The following PGBD1 variants were observed in gnomAD, a reference collection of about 807,000 sequenced individuals.
PGBD1 encodes piggyBac transposable element-derived protein 1.
A neutral mutation model predicts 34.7 loss-of-function variants in PGBD1; 25 were observed. That is an observed-to-expected ratio of 0.72 (90% CI 0.52 to 1.00). The LOEUF is 1.00. PGBD1 is among the 50% of genes least tolerant of loss of function. The pLI, the probability that PGBD1 is intolerant of heterozygous loss-of-function variation, is 0.00. For synonymous variants in PGBD1, 292 were observed against 335.7 expected, an observed-to-expected ratio of 0.87 and a Z score of 1.42; for missense variants, 830 against 959.4, an observed-to-expected ratio of 0.87 and a Z score of 1.78.
chr6:28,294,644 A>G (rs1044941630), intron 4 of PGBD1, among the ~76,000 whole-genome samples: 2 of 152,236 alleles, frequency 1.3e-5, no homozygotes, highest in African/African-American at 4.8e-5. Context: ...TACTCTAGAA[A>G]TGGAACAACA....
Position 28,302,458 on chromosome 6 carries a change from T to A in PGBD1, c.*174T>A. On this transcript the variant is annotated 3_prime_UTR_variant, in exon 7 of 7. Coordinates refer to ENST00000682144, the MANE Select transcript of PGBD1 (RefSeq NM_032507.4). The stretch of plus-strand genomic sequence containing the variant: ...CAAAGACTATTGTAACAAGTAATGT[T>A]AAAAATTGTCTGTGAGAATGTTGAA... 1.4e-6 allele frequency: 1 copy of A among 694,930 alleles called. No individual in the cohort carries two copies. 43.0% of individuals were successfully genotyped at this position (694,930 alleles called of 1,614,324 possible).
Position 28,284,107 on chromosome 6 carries a change from G to C in PGBD1, c.294G>C (p.Lys98Asn). The C allele has an allele frequency of 6.2e-7, 1 of 1,614,150 alleles. No individual in the cohort carries two copies. Residue 98 changes from lysine (K) to asparagine (N), a missense_variant, in exon 2 of 7, where the codon AAG (lysine) becomes AAC (asparagine). Around this residue, in one of 3 missense-constraint regions of PGBD1, gnomAD observed 457 missense variants for 515.4 expected, o/e 0.89. Coordinates refer to ENST00000682144, the MANE Select transcript of PGBD1 (RefSeq NM_032507.4). The stretch of plus-strand genomic sequence containing the variant: ...AGCAGTTCCTGACCATCCTGCCCAA[G>C]GAGCTCCAGCCCTGTGTGAAGACAT... ...VLEQFLTILPKELQPCVKTYP... is the reference protein window; with the variant it reads ...VLEQFLTILPNELQPCVKTYP...
chr6:28,284,338 A>C (rs367649973), intron 2 of PGBD1, 129 bp downstream of exon 2: 13 of 1,093,184 alleles, frequency 1.2e-5, no homozygotes, highest in Non-Finnish European at 1.3e-5. Flanking sequence ...ACTCCCGTAA[A>C]ACTCTTCATC....
intron 4 of PGBD1, 36 bp downstream of exon 4, chr6:28,287,204 A>G: frequency 6.6e-7 from 1 of 1,520,004 alleles, no homozygotes; most frequent in Admixed American, 1.7e-5. Flanking sequence ...GAATATCAGT[A>G]GTGGTCTTTC....
intron 5 of PGBD1, 61 bp from the exon 6 acceptor site, chr6:28,297,834 T>TAAAAAA: frequency 3.2e-6 from 1 of 313,116 alleles, no homozygotes. Context: ...TTTTTTTTTT[T>TAAAAAA]TTTTTTTTTT....
chr6:28,288,962 T>C (rs1762368735), intron 4 of PGBD1, among the ~76,000 whole-genome samples: 1 of 151,984 alleles, frequency 6.6e-6, no homozygotes, highest in South Asian at 2.1e-4. Flanking sequence ...CACTCCAGCC[T>C]GGGCAACAAG....
chr6:28,287,159 C>G lies in PGBD1; in HGVS notation c.633C>G (p.Val211=). 1 of 1,612,432 alleles carries G rather than the reference C, an allele frequency of 6.2e-7. No individual in the cohort carries two copies. The highest frequency in any genetic ancestry group is 8.5e-7 in the Non-Finnish European group (1 of 1,178,500). The part of the protein sequence containing the change: ...DKAVVPVFNP[V]RSQTLVKTEE... The stretch of plus-strand genomic sequence containing the variant: ...CTGTAGTGCCTGTGTTTAACCCAGT[C>G]AGGTCCCAGGTAAGTAGGATGCCCA... The change falls in exon 4 of 7, where the codon GTC becomes GTG. Residue 211 remains valine, a synonymous_variant. Coordinates refer to ENST00000682144, the MANE Select transcript of PGBD1 (RefSeq NM_032507.4).
intron 3 of PGBD1, among the ~76,000 whole-genome samples, chr6:28,286,753 C>G (rs1385196833): frequency 6.6e-6 from 1 of 152,002 alleles, no homozygotes; most frequent in Non-Finnish European, 1.5e-5. Context: ...CTCCTTGATC[C>G]TTCCTTTATC....
rs140909568 is a variant in PGBD1, at chr6:28,296,817, C to T, written c.644C>T (p.Thr215Ile). 6.2e-7 allele frequency: 1 copy of T among 1,613,720 alleles called. No individual in the cohort carries two copies. Among genetic ancestry groups the T allele is most frequent in the East Asian group, 2.2e-5 (1 of 44,868 alleles). Reference sequence around the variant, plus strand: ...TATTTTCTTTTTTTGTCTTTTTAGACATTGGTGAAGACTGAGGAAGAAACA... The same window carrying T: ...TATTTTCTTTTTTTGTCTTTTTAGATATTGGTGAAGACTGAGGAAGAAACA... The part of the protein sequence containing the change: ...VPVFNPVRSQ[T>I]LVKTEEETAQ... Residue 215 changes from threonine (T) to isoleucine (I), a missense_variant and splice_region_variant, in exon 5 of 7, where the codon ACA becomes ATA. Transcript: ENST00000682144.
chr6:28,286,664 C>T lies in PGBD1; in HGVS notation c.554-416C>T, dbSNP rs368647358. On this transcript the variant is annotated intron_variant, in intron 3 of 6. Coordinates refer to ENST00000682144, the MANE Select transcript of PGBD1 (RefSeq NM_032507.4). ...TTTATTTTCCTGTCTCTCTCTCCAT[C>T]TTCCTTTCTTCTGCTTTCCTGTTTC... is the stretch of plus-strand genomic sequence containing the variant. 2.0e-4 allele frequency among the ~76,000 whole-genome samples: 31 copies of T among 152,182 alleles called. No homozygotes were observed. The South Asian group carries it at 2.1e-3, about 10-fold the overall frequency.
At position 28,284,223 on chromosome 6, in the gene PGBD1, G is replaced by A; in HGVS notation, c.396+14G>A. On this transcript the variant is annotated intron_variant, in intron 2 of 6. Coordinates refer to ENST00000682144, the MANE Select transcript of PGBD1 (RefSeq NM_032507.4). ...ACAGGACAACAGGTGGGAAGAGAAT[G>A]TGTGTGGTGATGTGGGAGAAGAAAA... is the stretch of plus-strand genomic sequence containing the variant. 6.6e-7 allele frequency: 1 copy of A among 1,507,726 alleles called. No individual in the cohort carries two copies. The highest frequency in any genetic ancestry group is 8.9e-7 in the Non-Finnish European group (1 of 1,126,234). 93.4% of individuals were successfully genotyped at this position (1,507,726 alleles called of 1,614,324 possible). A position where few individuals can be genotyped will look rare whatever the true frequency, so the allele number is the denominator to read the frequency against.
intron 4 of PGBD1, among the ~76,000 whole-genome samples, chr6:28,293,794 G>C (rs937296444): frequency 6.6e-6 from 1 of 152,148 alleles, no homozygotes; most frequent in African/African-American, 2.4e-5. Flanking sequence ...TTGACCAGCT[G>C]TTCCCTCATC....
At position 28,285,717 on chromosome 6, in the gene PGBD1, C is replaced by T. The variant is rs905958374; in HGVS notation, c.553+10C>T. On this transcript the variant is annotated intron_variant, in intron 3 of 6. Transcript: ENST00000682144. ...CCCCAAGAAGTGAGTGGTGAGTGCT[C>T]GAGTGAGTTTAGTGAGGACGCTGGG... 2.7e-5 allele frequency: 44 copies of T among 1,610,966 alleles called. No individual in the cohort carries two copies. The highest frequency in any genetic ancestry group is 1.9e-4 in the Middle Eastern group (1 of 5,390).
intron 4 of PGBD1, among the ~76,000 whole-genome samples, chr6:28,295,625 A>C (rs569680705): frequency 6.6e-6 from 1 of 152,350 alleles, no homozygotes; most frequent in East Asian, 1.9e-4. Context: ...GATGATTATT[A>C]GCATGTATTA....
Position 28,281,583 on chromosome 6 carries a change from G to A in PGBD1, c.-374G>A. 3 of 388,934 alleles carry A rather than the reference G, an allele frequency of 7.7e-6. No individual in the cohort carries two copies. The highest frequency in any genetic ancestry group is 7.3e-5 in the East Asian group (2 of 27,524). The allele number at this position is 388,934 out of a possible 1,614,324, so 24.1% of individuals were successfully genotyped here. On this transcript the variant is annotated 5_prime_UTR_variant, in exon 1 of 7. Transcript: ENST00000682144. ...AGGGAGAAGCTTTTGTACCCGCCCAGCTGCTGGAGGCGCCGGCAGCGCCCG... is the reference window on the plus strand; with the variant it reads ...AGGGAGAAGCTTTTGTACCCGCCCAACTGCTGGAGGCGCCGGCAGCGCCCG...
intron 4 of PGBD1, among the ~76,000 whole-genome samples, chr6:28,290,391 C>T (rs369150080): frequency 3.9e-5 from 6 of 152,076 alleles, no homozygotes; most frequent in Admixed American, 1.3e-4. Flanking sequence ...ACACCATGCC[C>T]GGCTGTATAT....
At chr6:28,285,406 T>G in intron 2 of PGBD1, 145 bp from the exon 3 acceptor site, 1 of 746,200 alleles carries the variant, frequency 1.3e-6, no homozygotes, top group African/African-American at 1.8e-5. Context: ...CACTTGTTTG[T>G]TGTTTTTGTT....
At chr6:28,287,715 A>C (rs930419440) in intron 4 of PGBD1, among the ~76,000 whole-genome samples, 1 of 151,976 alleles carries the variant, frequency 6.6e-6, no homozygotes. Context: ...TAACTCTCTC[A>C]TTTAAGTCCT....
chr6:28,297,955 T>G lies in PGBD1; in HGVS notation c.833T>G (p.Met278Arg). ...FKAKQETSEE[M>R]EQSGEASGKP... ...GCAAAGCAAGAAACTTCTGAAGAAA[T>G]GGAACAAAGTGGAGAAGCCTCAGGA... Residue 278 changes from methionine to arginine, a missense_variant, in exon 6 of 7, where the codon ATG (methionine) becomes AGG (arginine). Met to Arg is a moderately conservative substitution (Grantham distance 91, BLOSUM62 -1). Coordinates refer to ENST00000682144, the MANE Select transcript of PGBD1 (RefSeq NM_032507.4). 1 of 1,605,858 alleles carries G rather than the reference T, an allele frequency of 6.2e-7. No individual in the cohort carries two copies. The highest frequency in any genetic ancestry group is 1.1e-5 in the South Asian group (1 of 90,734).
Sources: allele counts gnomAD v4.1 joint callset (sites outside exome capture counted in the v4.1 genomes callset), GRCh38; gene constraint gnomAD v4.1.1; regional missense constraint gnomAD v4.1.1; transcripts MANE v1.5; gene names NCBI Gene and HGNC (gene_info 2026-07-23, HGNC 2026-07-21).